CNTN4: variants seen among roughly 807,000 people sequenced by gnomAD.
The protein encoded by CNTN4 is contactin 4.
CNTN4 carries 77 observed loss-of-function variants against 122.5 expected under a neutral mutation model. The observed-to-expected ratio is 0.63, with a 90% CI of 0.52 to 0.76. The LOEUF (loss-of-function observed/expected upper bound fraction) is 0.76. Among genes scored for constraint, CNTN4 ranks in the 30% least tolerant of loss-of-function variants. CNTN4 has a pLI of 0.00. For missense variants in CNTN4, 1,256 were observed against 1,259.1 expected (o/e 1.00, Z 0.04); for synonymous variants, 512 against 447.0 (o/e 1.15, Z -1.83).
intron 4 of CNTN4, among the ~76,000 whole-genome samples, chr3:2,600,413 A>T (rs558488782): frequency 6.6e-6 from 1 of 151,856 alleles, no homozygotes; most frequent in South Asian, 2.1e-4. Context: ...AAGTGTTCTC[A>T]TTGTTCAATT....
At chr3:2,348,107 G>C (rs1345765426) in intron 3 of CNTN4, among the ~76,000 whole-genome samples, 1 of 152,138 alleles carries the variant, frequency 6.6e-6, no homozygotes, top group Admixed American at 6.5e-5. Context: ...TGTGAACTCT[G>C]TGTTGTGACA....
At chr3:2,327,185 T>TTATTTTCCAAAAGGATAAAGG (rs2043500464) in intron 2 of CNTN4, among the ~76,000 whole-genome samples, 1 of 151,742 alleles carries the variant, frequency 6.6e-6, no homozygotes, top group African/African-American at 2.4e-5. Flanking sequence ...AGTGCCAAGC[T>TTATTTTCCAAAAGGATAAAGG]TATTTTCCAA....
chr3:2,268,899 TC>T (rs1559396384), intron 2 of CNTN4, among the ~76,000 whole-genome samples: 1 of 152,140 alleles, frequency 6.6e-6, no homozygotes, highest in Non-Finnish European at 1.5e-5. Context: ...TAGTTTCTCC[TC>T]CTTTTTATAT....
chr3:2,607,237 T>C (rs897405935), intron 4 of CNTN4, among the ~76,000 whole-genome samples: 4 of 152,162 alleles, frequency 2.6e-5, no homozygotes, highest in African/African-American at 7.2e-5. Flanking sequence ...ATTTGAACAT[T>C]CCACTGAAGT....
intron 4 of CNTN4, among the ~76,000 whole-genome samples, chr3:2,662,129 A>G (rs774946866): frequency 1.3e-5 from 2 of 152,236 alleles, no homozygotes; most frequent in Admixed American, 6.5e-5. Context: ...ACAGAAAGAG[A>G]TAAGCTTGTA....
chr3:2,169,413 CTT>C (rs1158183839), intron 2 of CNTN4, among the ~76,000 whole-genome samples: 6 of 148,272 alleles, frequency 4.0e-5, no homozygotes, highest in African/African-American at 9.9e-5. Flanking sequence ...ATAAAATAAA[CTT>C]TTTTTTTTTG....
rs1456691416 is a variant in CNTN4 at position 3,056,214 on chromosome 3, T to C, written c.3075T>C (p.Ser1025=). The C allele has an allele frequency of 1.2e-6, 2 of 1,613,008 alleles. No individual in the cohort carries two copies. Among genetic ancestry groups the C allele is most frequent in the South Asian group, 2.2e-5 (2 of 91,070 alleles). The stretch of plus-strand genomic sequence containing the variant: ...TGATTTCCCTCACAGCTAGGTCCAG[T>C]TTATGACAAAAGTTATCTGAAGGAC... ...TIMISLTARS[S]L is the part of the protein sequence containing the mutation. The change falls in exon 25 of 25, where the codon AGT becomes AGC. Residue 1025 remains serine (S), a synonymous_variant. Transcript: ENST00000418658.
At chr3:2,863,608 C>T (rs1034325468) in intron 7 of CNTN4, among the ~76,000 whole-genome samples, 1 of 151,372 alleles carries the variant, frequency 6.6e-6, no homozygotes, top group African/African-American at 2.4e-5. Flanking sequence ...GTTAATAATC[C>T]GTATATTTTA....
At chr3:2,668,757 G>C (rs2084321962) in intron 4 of CNTN4, among the ~76,000 whole-genome samples, 1 of 152,080 alleles carries the variant, frequency 6.6e-6, no homozygotes, top group African/African-American at 2.4e-5. Flanking sequence ...ATTATTTTGA[G>C]ATACATCCCA....
intron 3 of CNTN4, among the ~76,000 whole-genome samples, chr3:2,404,688 A>G (rs1489999930): frequency 6.6e-6 from 1 of 152,196 alleles, no homozygotes; most frequent in South Asian, 2.1e-4. Context: ...TCCATCTGCA[A>G]AGTCCCTTCA....
At chr3:2,124,781 C>CA (rs2125236474) in intron 2 of CNTN4, among the ~76,000 whole-genome samples, 1 of 152,142 alleles carries the variant, frequency 6.6e-6, no homozygotes, top group Non-Finnish European at 1.5e-5. Flanking sequence ...AACCAACCAA[C>CA]AAAAAAGCAG....
intron 3 of CNTN4, among the ~76,000 whole-genome samples, chr3:2,556,001 G>A (rs1201772976): frequency 6.6e-6 from 1 of 152,144 alleles, no homozygotes; most frequent in Non-Finnish European, 1.5e-5. Flanking sequence ...CCTACCTTAT[G>A]ACAAGAAACC....
rs537175333 is a variant in CNTN4 at position 2,386,234 on chromosome 3, G to T, written c.-89+47001G>T. 4.0e-5 allele frequency among the ~76,000 whole-genome samples: 6 copies of T among 151,336 alleles called. No homozygotes were observed. The East Asian group carries it at 1.2e-3, about 30-fold the overall frequency. ...ATTCAAACTCTGAATTCAAACATTT[G>T]CTTGAATTCTGACTGGATTATTTTC... On this transcript the variant is annotated intron_variant, in intron 3 of 24. Coordinates refer to ENST00000418658, the MANE Select transcript of CNTN4 (RefSeq NM_175607.3).
chr3:2,833,445 C>T (rs2093146722), intron 7 of CNTN4, among the ~76,000 whole-genome samples: 1 of 122,744 alleles, frequency 8.1e-6, no homozygotes, highest in Non-Finnish European at 1.6e-5. Flanking sequence ...AAGTTCCAAC[C>T]CATATGTAAT....
chr3:2,893,772 A>G lies in CNTN4; in HGVS notation c.940+6548A>G, dbSNP rs543098702. On this transcript the variant is annotated intron_variant, in intron 10 of 24. Coordinates refer to ENST00000418658, the MANE Select transcript of CNTN4 (RefSeq NM_175607.3). ...TCACAGTTACATTTTTTTATTCACCAATGAATATTGTTTAAATTTACTTAT... is the reference window on the plus strand; with the variant it reads ...TCACAGTTACATTTTTTTATTCACCGATGAATATTGTTTAAATTTACTTAT... Among the ~76,000 whole-genome samples, 340 of 152,328 alleles carry G rather than the reference A, an allele frequency of 2.2e-3. 1 individual carries two copies. Among genetic ancestry groups the G allele is most frequent in the African/African-American group, 7.6e-3 (315 of 41,582 alleles).
intron 4 of CNTN4, among the ~76,000 whole-genome samples, chr3:2,691,087 TA>T (rs1399789702): frequency 6.6e-6 from 1 of 151,198 alleles, no homozygotes; most frequent in Non-Finnish European, 1.5e-5. Flanking sequence ...AATCAGTGTT[TA>T]GTTTTTATAT....
intron 4 of CNTN4, among the ~76,000 whole-genome samples, chr3:2,684,069 A>G (rs2085306709): frequency 6.6e-6 from 1 of 152,164 alleles, no homozygotes; most frequent in African/African-American, 2.4e-5. Flanking sequence ...GCTCTGAAAC[A>G]TCTTTCACCA....
Position 2,925,642 on chromosome 3 carries a change from T to G in CNTN4, c.1221T>G (p.Asp407Glu). 2 of 1,613,908 alleles carry G rather than the reference T, an allele frequency of 1.2e-6. No homozygotes were observed. The highest frequency in any genetic ancestry group is 2.2e-5 in the East Asian group (1 of 44,874). ...AELSVIAVGP[D>E]FSRTLLKRVT... ...ACTGTCTTTCAGCTGTAGGTCCAGA[T>G]TTTTCAAGAACACTCTTGAAAAGAG... is the stretch of plus-strand genomic sequence containing the variant. Residue 407 changes from aspartate (D) to glutamate (E), a missense_variant, in exon 13 of 25, where the codon GAT becomes GAG. Coordinates refer to ENST00000418658, the MANE Select transcript of CNTN4 (RefSeq NM_175607.3).
At position 2,331,380 on chromosome 3, in the gene CNTN4, T is replaced by C. The variant is rs567531934; in HGVS notation, c.-144-7798T>C. Among the ~76,000 whole-genome samples, 16 of 152,308 alleles carry C rather than the reference T, an allele frequency of 1.1e-4. No homozygotes were observed. The East Asian group carries it at 2.1e-3, about 20-fold the overall frequency. ...AGTAAGTGCTCAGAGTAGGTGTCTA[T>C]ATTAAGGACAGGGTCCTGTACATTG... On this transcript the variant is annotated intron_variant, in intron 2 of 24. Transcript: ENST00000418658.
Sources: gnomAD v4.1 joint callset for allele counts (sites outside exome capture counted in the v4.1 genomes callset) on GRCh38, gnomAD v4.1.1 for gene constraint, MANE v1.5 for transcripts, NCBI Gene and HGNC (gene_info 2026-07-23, HGNC 2026-07-21) for gene names.